CDH12: variants seen among roughly 807,000 people sequenced by gnomAD.
CDH12 encodes cadherin 12.
Under a neutral mutation model 74.1 loss-of-function variants are expected in CDH12, and 41 were observed. The ratio of observed to expected loss-of-function variants is 0.55; its 90% CI spans 0.43 to 0.72. CDH12 has a LOEUF of 0.72. Ranked by LOEUF, CDH12 falls within the 30% of genes least tolerant of loss-of-function variation. The probability of loss-of-function intolerance (pLI) is 0.00; values close to 1 mark genes in which losing one functional copy is unlikely to be tolerated. For missense variants in CDH12, 945 were observed against 977.2 expected, an observed-to-expected ratio of 0.97 and a Z score of 0.44; for synonymous variants, 399 against 355.0, an observed-to-expected ratio of 1.12 and a Z score of -1.39.
intron 1 of CDH12, among the ~76,000 whole-genome samples, chr5:22,788,182 G>A (rs1423713999): frequency 6.6e-6 from 1 of 152,142 alleles, no homozygotes; most frequent in Non-Finnish European, 1.5e-5. Flanking sequence ...TTATTTGTGA[G>A]TCTCATCTGC....
At chr5:22,064,587 G>A (rs941556791) in intron 5 of CDH12, among the ~76,000 whole-genome samples, 1 of 152,068 alleles carries the variant, frequency 6.6e-6, no homozygotes, top group Non-Finnish European at 1.5e-5. Flanking sequence ...TATCACTACT[G>A]GATTCTCCTA....
chr5:22,224,574 G>C (rs1752131064), intron 3 of CDH12, among the ~76,000 whole-genome samples: 1 of 152,050 alleles, frequency 6.6e-6, no homozygotes, highest in South Asian at 2.1e-4. Context: ...AGGTACGTAT[G>C]TAGTTTTTAA....
chr5:22,529,009 T>C (rs1027034430), intron 1 of CDH12, among the ~76,000 whole-genome samples: 4 of 109,644 alleles, frequency 3.6e-5, no homozygotes, highest in African/African-American at 1.2e-4. Context: ...ACAGAACCAA[T>C]AGAATGTGTG....
At chr5:21,839,349 T>G (rs1171861415) in intron 8 of CDH12, among the ~76,000 whole-genome samples, 1 of 152,186 alleles carries the variant, frequency 6.6e-6, no homozygotes, top group Non-Finnish European at 1.5e-5. Flanking sequence ...TACATTTATA[T>G]GCAAAAGTAG....
intron 6 of CDH12, among the ~76,000 whole-genome samples, chr5:21,929,928 G>A (rs1176311271): frequency 6.6e-6 from 1 of 152,122 alleles, no homozygotes; most frequent in African/African-American, 2.4e-5. Flanking sequence ...TAATCCCACA[G>A]CCCAAAATGC....
At chr5:21,752,767 A>G (rs574336673) in intron 14 of CDH12, among the ~76,000 whole-genome samples, 70 of 152,132 alleles carry the variant, frequency 4.6e-4, no homozygotes, top group Non-Finnish European at 7.5e-4. Flanking sequence ...GAAAGGAAAG[A>G]AGGAAGGAAG....
intron 6 of CDH12, among the ~76,000 whole-genome samples, chr5:21,963,327 T>C (rs550913246): frequency 6.6e-6 from 1 of 152,098 alleles, no homozygotes; most frequent in African/African-American, 2.4e-5. Flanking sequence ...CTAATTAAAT[T>C]AAGAGCTTCT....
chr5:22,346,945 T>C (rs956914182), intron 3 of CDH12, among the ~76,000 whole-genome samples: 2 of 152,324 alleles, frequency 1.3e-5, no homozygotes, highest in East Asian at 3.9e-4. Context: ...GGACTTGAGT[T>C]ACCCATCTCC....
In CDH12 at chr5:22,422,536, T is replaced by G. The variant is rs1580632246; in HGVS notation, c.-427-17185A>C. ...AGAAGGATTGGCCTAAGGTTTCCTT[T>G]TTTTGTTGTAAATGATGACACATTG... On this transcript the variant is annotated intron_variant, in intron 2 of 14. Transcript: ENST00000382254. Among the ~76,000 whole-genome samples, 3 of 152,182 alleles carry G rather than the reference T, an allele frequency of 2.0e-5. No homozygotes were observed. The South Asian group carries it at 6.2e-4, about 31-fold the overall frequency.
At chr5:22,741,884 A>G (rs994110106) in intron 1 of CDH12, among the ~76,000 whole-genome samples, 1 of 152,158 alleles carries the variant, frequency 6.6e-6, no homozygotes, top group Non-Finnish European at 1.5e-5. Flanking sequence ...TGCTTTAGAA[A>G]GCTTAAGAAC....
chr5:22,369,060 C>T (rs746840374), intron 3 of CDH12, among the ~76,000 whole-genome samples: 9 of 151,918 alleles, frequency 5.9e-5, no homozygotes, highest in Admixed American at 5.3e-4. Flanking sequence ...ACCCGGGAGG[C>T]GGAGGTTGCA....
At chr5:22,756,873 T>C (rs1745947632) in intron 1 of CDH12, among the ~76,000 whole-genome samples, 1 of 151,726 alleles carries the variant, frequency 6.6e-6, no homozygotes, top group Non-Finnish European at 1.5e-5. Flanking sequence ...GACAGAGAAT[T>C]GCTTGAACCC....
intron 4 of CDH12, among the ~76,000 whole-genome samples, chr5:22,189,450 T>C (rs1425561884): frequency 6.6e-6 from 1 of 152,108 alleles, no homozygotes; most frequent in Non-Finnish European, 1.5e-5. Context: ...TAATAGCATA[T>C]AAATATATCA....
intron 1 of CDH12, among the ~76,000 whole-genome samples, chr5:22,816,682 A>G (rs189963447): frequency 6.6e-6 from 1 of 152,262 alleles, no homozygotes; most frequent in Non-Finnish European, 1.5e-5. Context: ...CAAATTGGGA[A>G]CATTTTAGCT....
At chr5:22,183,366 T>A (rs1749752404) in intron 4 of CDH12, among the ~76,000 whole-genome samples, 1 of 152,186 alleles carries the variant, frequency 6.6e-6, no homozygotes, top group Admixed American at 6.5e-5. Context: ...TAAAGCCTGT[T>A]GTAAAGTGCA....
intron 11 of CDH12, among the ~76,000 whole-genome samples, chr5:21,777,339 T>G (rs1214648981): frequency 6.6e-6 from 1 of 152,160 alleles, no homozygotes; most frequent in Non-Finnish European, 1.5e-5. Flanking sequence ...TGTTTTTTCT[T>G]TCTAAAATGC....
At chr5:22,207,037 C>A (rs1369689092) in intron 4 of CDH12, among the ~76,000 whole-genome samples, 1 of 150,826 alleles carries the variant, frequency 6.6e-6, no homozygotes, top group Non-Finnish European at 1.5e-5. Context: ...CATGGTGAAA[C>A]CCTGTCTCTA....
intron 3 of CDH12, among the ~76,000 whole-genome samples, chr5:22,307,327 G>T (rs954048228): frequency 6.6e-6 from 1 of 152,146 alleles, no homozygotes; most frequent in Non-Finnish European, 1.5e-5. Flanking sequence ...TAAATGATTT[G>T]CAAGGACACA....
chr5:22,596,140 T>A (rs1736595205), intron 1 of CDH12, among the ~76,000 whole-genome samples: 1 of 148,542 alleles, frequency 6.7e-6, no homozygotes. Context: ...ATAAAAATAA[T>A]AATAATAAAT....
Sources: allele counts gnomAD v4.1 joint callset (sites outside exome capture counted in the v4.1 genomes callset), GRCh38; gene constraint gnomAD v4.1.1; transcripts MANE v1.5; gene names NCBI Gene and HGNC (gene_info 2026-07-23, HGNC 2026-07-21).